Variants in SUSD6 observed in about 807,000 individuals in gnomAD.
The protein encoded by SUSD6 is sushi domain-containing protein 6.
A neutral mutation model predicts 28.4 loss-of-function variants in SUSD6; 16 were observed. The ratio of observed to expected loss-of-function variants is 0.56; its 90% CI spans 0.38 to 0.86. SUSD6 has a LOEUF of 0.86. SUSD6 is among the 40% of genes least tolerant of loss of function. SUSD6 has a pLI of 0.00. For synonymous variants in SUSD6, 147 were observed against 159.6 expected (o/e 0.92, Z 0.59); for missense variants, 341 against 384.2 (o/e 0.89, Z 0.94).
At chr14:69,702,262 C>A (rs1372939977) in intron 2 of SUSD6, among the ~76,000 whole-genome samples, 2 of 152,214 alleles carry the variant, frequency 1.3e-5, no homozygotes, top group African/African-American at 4.8e-5. Flanking sequence ...TCATGGTTGC[C>A]TGGCCATTCT....
At chr14:69,668,257 T>C (rs757964466) in intron 2 of SUSD6, among the ~76,000 whole-genome samples, 2 of 152,226 alleles carry the variant, frequency 1.3e-5, no homozygotes, top group Non-Finnish European at 2.9e-5. Context: ...AAGAGTACGT[T>C]GCAGAGTATG....
chr14:69,651,732 A>T (rs550568019), intron 1 of SUSD6, among the ~76,000 whole-genome samples: 1 of 152,110 alleles, frequency 6.6e-6, no homozygotes, highest in African/African-American at 2.4e-5. Context: ...AGGTCCAATA[A>T]GTGTTTAGAT....
chr14:69,639,956 G>GTTTTTTTTTTTTTTT (rs11463756), intron 1 of SUSD6, among the ~76,000 whole-genome samples: 4 of 81,646 alleles, frequency 4.9e-5, no homozygotes, highest in Non-Finnish European at 6.6e-5. Context: ...CACCTACACT[G>GTTTTTTTTTTTTTTT]TTTTTTTTTT....
intron 5 of SUSD6, among the ~76,000 whole-genome samples, chr14:69,709,675 G>A (rs1384193311): frequency 6.6e-6 from 1 of 152,236 alleles, no homozygotes; most frequent in African/African-American, 2.4e-5. Flanking sequence ...ACTGGTAAAT[G>A]GCTGAGCTGG....
chr14:69,691,846 C>T (rs928691050), intron 2 of SUSD6, among the ~76,000 whole-genome samples: 4 of 152,102 alleles, frequency 2.6e-5, no homozygotes, highest in African/African-American at 9.7e-5. Flanking sequence ...TCAAGACCAG[C>T]CTAGCCAACA....
intron 2 of SUSD6, among the ~76,000 whole-genome samples, chr14:69,687,210 G>GGT (rs1424949886): frequency 6.6e-6 from 1 of 152,132 alleles, no homozygotes; most frequent in African/African-American, 2.4e-5. Flanking sequence ...CCTGACTTCA[G>GGT]GTAATCTGCC....
intron 5 of SUSD6, among the ~76,000 whole-genome samples, chr14:69,709,312 G>A (rs1201768569): frequency 6.6e-6 from 1 of 152,184 alleles, no homozygotes; most frequent in Non-Finnish European, 1.5e-5. Context: ...ACTGACGCCT[G>A]TGAATTCTGA....
intron 2 of SUSD6, among the ~76,000 whole-genome samples, chr14:69,663,742 G>A (rs534043521): frequency 6.6e-6 from 1 of 152,284 alleles, no homozygotes; most frequent in East Asian, 1.9e-4. Context: ...GGCTGGCTGG[G>A]ATTTGTGCTC....
At chr14:69,616,843 G>A (rs946304670) in intron 1 of SUSD6, among the ~76,000 whole-genome samples, 1 of 151,482 alleles carries the variant, frequency 6.6e-6, no homozygotes, top group Non-Finnish European at 1.5e-5. Flanking sequence ...CCCATTTAAA[G>A]TACAATTCAG....
At chr14:69,695,980 C>T (rs186338232) in intron 2 of SUSD6, among the ~76,000 whole-genome samples, 1 of 152,204 alleles carries the variant, frequency 6.6e-6, no homozygotes, top group South Asian at 2.1e-4. Flanking sequence ...AGGGGAATCA[C>T]CTCCCCTTTG....
intron 1 of SUSD6, among the ~76,000 whole-genome samples, chr14:69,622,766 G>A (rs1481062391): frequency 6.6e-6 from 1 of 151,996 alleles, no homozygotes; most frequent in Admixed American, 6.6e-5. Flanking sequence ...GCTAATTTTT[G>A]TATTTTTAGT....
rs139175190 is a variant in SUSD6, at chr14:69,709,004, C to T, written c.786C>T (p.Ala262=). The T allele has an allele frequency of 2.2e-5, 36 of 1,613,912 alleles. No individual in the cohort carries two copies. The highest frequency in any genetic ancestry group is 1.7e-4 in the African/African-American group (13 of 74,886). ...AGGCAACCACCTCTTCCTGGGTGGCCGGCTCAGGGAACCGCCAACTGGCAC... is the reference window on the plus strand; with the variant it reads ...AGGCAACCACCTCTTCCTGGGTGGCTGGCTCAGGGAACCGCCAACTGGCAC... ...VHQATTSSWV[A]GSGNRQLAHK... The change falls in exon 5 of 6, where the codon GCC becomes GCT. Residue 262 remains alanine, a synonymous_variant. Coordinates refer to ENST00000342745, the MANE Select transcript of SUSD6 (RefSeq NM_014734.4).
intron 1 of SUSD6, among the ~76,000 whole-genome samples, chr14:69,624,635 A>G (rs911840825): frequency 6.6e-6 from 1 of 151,972 alleles, no homozygotes; most frequent in Admixed American, 6.5e-5. Context: ...TTGTATTTTT[A>G]GTAGAGACGG....
intron 2 of SUSD6, among the ~76,000 whole-genome samples, chr14:69,690,323 A>G (rs753652427): frequency 6.6e-6 from 1 of 152,224 alleles, no homozygotes; most frequent in African/African-American, 2.4e-5. Flanking sequence ...AGCCAGACCA[A>G]TATGTACACA....
At chr14:69,685,561 G>A (rs1159891193) in intron 2 of SUSD6, among the ~76,000 whole-genome samples, 3 of 152,154 alleles carry the variant, frequency 2.0e-5, no homozygotes, top group Admixed American at 2.0e-4. Flanking sequence ...TGGTCTCTTA[G>A]TAAAATGCAG....
intron 2 of SUSD6, among the ~76,000 whole-genome samples, chr14:69,694,238 T>G (rs1886192024): frequency 6.6e-6 from 1 of 152,210 alleles, no homozygotes; most frequent in African/African-American, 2.4e-5. Flanking sequence ...GTGAAGATGA[T>G]GTAATGGGAA....
At chr14:69,663,025 A>G (rs1885685745) in intron 2 of SUSD6, among the ~76,000 whole-genome samples, 1 of 152,226 alleles carries the variant, frequency 6.6e-6, no homozygotes. Flanking sequence ...TTGAAACACA[A>G]AACTTAAGGT....
At chr14:69,642,475 G>A (rs147180128) in intron 1 of SUSD6, among the ~76,000 whole-genome samples, 9 of 152,310 alleles carry the variant, frequency 5.9e-5, no homozygotes, top group African/African-American at 2.2e-4. Flanking sequence ...GGCTGGGGAG[G>A]CCTCAGAATC....
At chr14:69,655,754 C>G (rs1245509172) in intron 1 of SUSD6, among the ~76,000 whole-genome samples, 1 of 152,170 alleles carries the variant, frequency 6.6e-6, no homozygotes, top group Non-Finnish European at 1.5e-5. Flanking sequence ...GCTCACACCA[C>G]TGCATTCCAG....
Sources: gnomAD v4.1 joint callset for allele counts (sites outside exome capture counted in the v4.1 genomes callset) on GRCh38, gnomAD v4.1.1 for gene constraint, MANE v1.5 for transcripts, NCBI Gene and HGNC (gene_info 2026-07-23, HGNC 2026-07-21) for gene names.